TOX3: variants seen among roughly 807,000 people sequenced by gnomAD.
The protein encoded by TOX3 is CAG trinucleotide repeat-containing gene F9 protein.
Under a neutral mutation model 64.3 loss-of-function variants are expected in TOX3, and 22 were observed. The ratio of observed to expected loss-of-function variants is 0.34; its 90% CI spans 0.24 to 0.49. TOX3 has a LOEUF of 0.49. Among genes scored for constraint, TOX3 ranks in the 20% least tolerant of loss-of-function variants. TOX3 has a pLI of 0.99. For missense variants in TOX3, 661 were observed against 714.4 expected (o/e 0.93, Z 0.85); for synonymous variants, 291 against 273.6 (o/e 1.06, Z -0.63).
intron 1 of TOX3, among the ~76,000 whole-genome samples, chr16:52,491,902 C>T (rs1489762269): frequency 6.6e-6 from 1 of 152,044 alleles, no homozygotes; most frequent in Non-Finnish European, 1.5e-5. Context: ...CTGATGGTTT[C>T]TTGCCTCTCA....
At chr16:52,526,665 C>T (rs1027519221) in intron 1 of TOX3, among the ~76,000 whole-genome samples, 1 of 152,192 alleles carries the variant, frequency 6.6e-6, no homozygotes, top group African/African-American at 2.4e-5. Flanking sequence ...GTCTTCAGCA[C>T]TCCCCTCTCC....
In TOX3 at chr16:52,494,433, T is replaced by G. The variant is rs1961784176; in HGVS notation, c.88-25859A>C. ...ACCAGAACAACCTTGAACTTAATAC[T>G]TGAACAGGAAATACACCTCTATTAC... is the stretch of plus-strand genomic sequence containing the variant. On this transcript the variant is annotated intron_variant, in intron 1 of 6. Transcript: ENST00000219746. Among the ~76,000 whole-genome samples, 4 of 152,208 alleles carry G rather than the reference T, an allele frequency of 2.6e-5. No homozygotes were observed. The South Asian group carries it at 8.3e-4, about 32-fold the overall frequency.
intron 1 of TOX3, among the ~76,000 whole-genome samples, chr16:52,489,701 T>C (rs919872244): frequency 2.6e-5 from 4 of 152,180 alleles, no homozygotes; most frequent in African/African-American, 9.7e-5. Flanking sequence ...TTCTGAATAT[T>C]GCCTTGGATG....
In TOX3 at chr16:52,450,354, A is replaced by T; in HGVS notation, c.601T>A (p.Ser201Thr). Reference protein sequence around the residue: ...GGASMPHTSPSPPASKSATPS... With the variant: ...GGASMPHTSPTPPASKSATPS... The stretch of plus-strand genomic sequence containing the variant: ...GTGGCTGATTTGCTTGCTGGAGGTG[A>T]AGGAGATGTGTGAGGCATACTGGCA... The change falls in exon 4 of 7, where the codon TCA becomes ACA. Residue 201 changes from serine to threonine, a missense_variant. By Grantham distance (58) the Ser-to-Thr change is moderately conservative. Transcript: ENST00000219746. 1 of 1,613,888 alleles carries T rather than the reference A, an allele frequency of 6.2e-7. No homozygotes were observed. The highest frequency in any genetic ancestry group is 8.5e-7 in the Non-Finnish European group (1 of 1,179,866).
At chr16:52,484,737 G>A (rs1241923002) in intron 1 of TOX3, among the ~76,000 whole-genome samples, 1 of 152,082 alleles carries the variant, frequency 6.6e-6, no homozygotes, top group Non-Finnish European at 1.5e-5. Flanking sequence ...GTGAAAAAAT[G>A]AATGAATGTG....
chr16:52,452,019 A>G (rs753498536), intron 3 of TOX3, among the ~76,000 whole-genome samples: 31 of 152,182 alleles, frequency 2.0e-4, no homozygotes, highest in African/African-American at 7.5e-4. Context: ...ACCAGTCATG[A>G]CAATGAAAAA....
intron 1 of TOX3, among the ~76,000 whole-genome samples, chr16:52,483,678 C>T (rs2151450941): frequency 1.4e-5 from 2 of 147,084 alleles, no homozygotes; most frequent in South Asian, 4.5e-4. Flanking sequence ...AAGTCATTCT[C>T]CTGCCTCAGC....
intron 1 of TOX3, among the ~76,000 whole-genome samples, chr16:52,490,158 T>C (rs1206224823): frequency 6.6e-6 from 1 of 152,184 alleles, no homozygotes; most frequent in African/African-American, 2.4e-5. Context: ...GTTCTCATGA[T>C]AGTGAGTGAG....
intron 1 of TOX3, among the ~76,000 whole-genome samples, chr16:52,542,281 G>A (rs769715812): frequency 4.6e-5 from 7 of 152,160 alleles, no homozygotes; most frequent in Non-Finnish European, 7.3e-5. Flanking sequence ...CATGGGAGCA[G>A]AACTGTCCAC....
rs370846788 is a variant in TOX3 at position 52,546,864 on chromosome 16, A to G, written c.-141T>C. Reference sequence around the variant, plus strand: ...CGCGGCCGGAGGGGCGCCGGGACCCAGAGCCCGAGGAGCTCGGGAGCCGCG... The same window carrying G: ...CGCGGCCGGAGGGGCGCCGGGACCCGGAGCCCGAGGAGCTCGGGAGCCGCG... On this transcript the variant is annotated 5_prime_UTR_variant, in exon 1 of 7. Transcript: ENST00000219746. 52 of 1,214,678 alleles carry G rather than the reference A, an allele frequency of 4.3e-5. No individual in the cohort carries two copies. In the East Asian group the frequency reaches 7.4e-4, roughly 17 times the overall value. The allele number at this position is 1,214,678 out of a possible 1,614,324, so 75.2% of individuals were successfully genotyped here. A position where few individuals can be genotyped will look rare whatever the true frequency, so the allele number is the denominator to read the frequency against.
In TOX3 at chr16:52,440,120, C is replaced by G. The variant is rs185042564; in HGVS notation, c.988-152G>C. 3.4e-3 allele frequency among the ~76,000 whole-genome samples: 523 copies of G among 152,240 alleles called. 1 individual carries two copies. The highest frequency in any genetic ancestry group is 5.4e-3 in the Non-Finnish European group (368 of 68,030). On this transcript the variant is annotated intron_variant, in intron 6 of 6. Transcript: ENST00000219746. ...TACTCTTTGTCTTGTGACTTTTTCA[C>G]TCCTCCCTGAGGTGGAGTCAAATCC...
At chr16:52,494,762 A>G (rs939206659) in intron 1 of TOX3, among the ~76,000 whole-genome samples, 4 of 152,146 alleles carry the variant, frequency 2.6e-5, no homozygotes, top group African/African-American at 9.7e-5. Context: ...TTGACTCAGC[A>G]CTCTTACATC....
rs1158346064 is a variant in TOX3, at chr16:52,438,397, TA to T, written c.*827del. The T allele has an allele frequency of 6.5e-6, 1 of 152,706 alleles. No individual in the cohort carries two copies. The highest frequency in any genetic ancestry group is 2.4e-5 in the African/African-American group (1 of 41,478). The allele number at this position is 152,706 out of a possible 1,614,324, so 9.5% of individuals were successfully genotyped here. A position where few individuals can be genotyped will look rare whatever the true frequency, so the allele number is the denominator to read the frequency against. On this transcript the variant is annotated 3_prime_UTR_variant, in exon 7 of 7. Coordinates refer to ENST00000219746, the MANE Select transcript of TOX3 (RefSeq NM_001080430.4). ...AATAAAAACTCTTGCTTTTTCTTTT[TA>T]AATCTTAACTTTTGTAATAACTGTT...
intron 1 of TOX3, among the ~76,000 whole-genome samples, chr16:52,514,867 C>T (rs45578831): frequency 0.014 from 2,150 of 151,722 alleles, 17 homozygotes; most frequent in Non-Finnish European, 0.019. Context: ...AAAAATCAGC[C>T]GGGCATGGTG....
At chr16:52,541,845 AC>A (rs1192358392) in intron 1 of TOX3, among the ~76,000 whole-genome samples, 1 of 152,182 alleles carries the variant, frequency 6.6e-6, no homozygotes, top group Non-Finnish European at 1.5e-5. Flanking sequence ...GAGCAGCAGG[AC>A]TGTTTTATCC....
chr16:52,519,170 G>A (rs570083067), intron 1 of TOX3, among the ~76,000 whole-genome samples: 115 of 152,318 alleles, frequency 7.5e-4, no homozygotes, highest in Middle Eastern at 3.4e-3. Context: ...GGGCTAATCC[G>A]TCTTCAGTTA....
At chr16:52,519,982 A>G (rs917825542) in intron 1 of TOX3, among the ~76,000 whole-genome samples, 6 of 149,384 alleles carry the variant, frequency 4.0e-5, no homozygotes, top group African/African-American at 9.8e-5. Flanking sequence ...AAAACAAAAA[A>G]AAAAAAAAAA....
Position 52,446,172 on chromosome 16 carries a change from G to A in TOX3, c.728C>T (p.Thr243Ile), listed in dbSNP as rs773384434. 1 of 1,613,864 alleles carries A rather than the reference G, an allele frequency of 6.2e-7. No individual in the cohort carries two copies. The highest frequency in any genetic ancestry group is 8.5e-7 in the Non-Finnish European group (1 of 1,179,848). Residue 243 changes from threonine (T) to isoleucine (I), a missense_variant, in exon 5 of 7, where the codon ACT (threonine) becomes ATT (isoleucine). Physicochemically the swap from Thr to Ile is moderately conservative, Grantham distance 89 (BLOSUM62 -1). Coordinates refer to ENST00000219746, the MANE Select transcript of TOX3 (RefSeq NM_001080430.4). The stretch of plus-strand genomic sequence containing the variant: ...ATCTTTCTTTTTCTTTTTCTTTGGA[G>A]TCTTGGGCTTCTTGCCAGAGTCTGG... ...AAPDSGKKPK[T>I]PKKKKKKDPN...
intron 1 of TOX3, among the ~76,000 whole-genome samples, chr16:52,507,724 G>C (rs1030786596): frequency 6.6e-6 from 1 of 152,156 alleles, no homozygotes; most frequent in Non-Finnish European, 1.5e-5. Context: ...AAGATACCAG[G>C]TAATCCAGAA....
Sources: allele counts gnomAD v4.1 joint callset (sites outside exome capture counted in the v4.1 genomes callset), GRCh38; gene constraint gnomAD v4.1.1; transcripts MANE v1.5; gene names NCBI Gene and HGNC (gene_info 2026-07-23, HGNC 2026-07-21).